Variants in NAALADL2 observed in about 807,000 individuals in gnomAD.
NAALADL2 encodes the protein inactive N-acetylated-alpha-linked acidic dipeptidase-like protein 2.
Under a neutral mutation model 87.2 loss-of-function variants are expected in NAALADL2, and 76 were observed. That is an observed-to-expected ratio of 0.87 (90% CI 0.72 to 1.05). The LOEUF is 1.05. NAALADL2 is among the 50% of genes least tolerant of loss of function. The probability of loss-of-function intolerance (pLI) is 0.00; values close to 1 mark genes in which losing one functional copy is unlikely to be tolerated. For synonymous variants in NAALADL2, 354 were observed against 331.0 expected, an observed-to-expected ratio of 1.07 and a Z score of -0.75; for missense variants, 1,089 against 945.8, an observed-to-expected ratio of 1.15 and a Z score of -1.99.
chr3:174,985,794 C>T (rs9820949), intron 1 of NAALADL2, among the ~76,000 whole-genome samples: 1 of 151,590 alleles, frequency 6.6e-6, no homozygotes, highest in Non-Finnish European at 1.5e-5. Context: ...CTATACTAAA[C>T]ATACAAAATT....
chr3:175,638,201 GT>G (rs2149749431), intron 11 of NAALADL2, among the ~76,000 whole-genome samples: 1 of 152,264 alleles, frequency 6.6e-6, no homozygotes, highest in African/African-American at 2.4e-5. Flanking sequence ...ATGACAATCA[GT>G]TTATATGCCG....
At chr3:174,940,114 C>A (rs1392861647) in intron 1 of NAALADL2, among the ~76,000 whole-genome samples, 1 of 152,064 alleles carries the variant, frequency 6.6e-6, no homozygotes, top group Non-Finnish European at 1.5e-5. Context: ...ATACTTCCAG[C>A]TTTTGCCCAT....
chr3:175,490,095 A>C (rs1031685911), intron 9 of NAALADL2, among the ~76,000 whole-genome samples: 2 of 152,156 alleles, frequency 1.3e-5, no homozygotes, highest in African/African-American at 4.8e-5. Flanking sequence ...GGATGGACAC[A>C]TTACAAAAAC....
At chr3:175,070,502 T>C (rs1260596663) in intron 1 of NAALADL2, among the ~76,000 whole-genome samples, 2 of 152,020 alleles carry the variant, frequency 1.3e-5, no homozygotes, top group African/African-American at 4.8e-5. Flanking sequence ...CTTCAGCTCA[T>C]TGATGAAGTA....
intron 2 of NAALADL2, among the ~76,000 whole-genome samples, chr3:175,153,343 C>G (rs967896925): frequency 3.9e-5 from 6 of 152,102 alleles, no homozygotes; most frequent in Non-Finnish European, 8.8e-5. Flanking sequence ...AAATGATGTT[C>G]TGTGATGCAG....
At chr3:175,679,374 C>G (rs1396813338) in intron 11 of NAALADL2, among the ~76,000 whole-genome samples, 3 of 151,598 alleles carry the variant, frequency 2.0e-5, no homozygotes, top group African/African-American at 7.3e-5. Flanking sequence ...ACTCAACTGC[C>G]TTTAGAAAAA....
chr3:174,688,066 CT>C (rs1427444719), intron 2 of NAALADL2, among the ~76,000 whole-genome samples: 1 of 152,080 alleles, frequency 6.6e-6, no homozygotes, highest in African/African-American at 2.4e-5. Context: ...AATTTTATAT[CT>C]TATGTAATTT....
intron 1 of NAALADL2, among the ~76,000 whole-genome samples, chr3:174,461,465 T>TG (rs1553769269): frequency 1.3e-5 from 2 of 151,734 alleles, no homozygotes; most frequent in African/African-American, 4.8e-5. Flanking sequence ...TGCACCTTTA[T>TG]CCCCCTTGAA....
chr3:174,656,883 T>A (rs1469084476), intron 2 of NAALADL2, among the ~76,000 whole-genome samples: 1 of 151,948 alleles, frequency 6.6e-6, no homozygotes, highest in Non-Finnish European at 1.5e-5. Context: ...ACTTTCTACC[T>A]CACCCCACTT....
rs574200608 is a variant in NAALADL2, at chr3:175,602,139, AGTC to A, written c.1801-25151_1801-25149del. On this transcript the variant is annotated intron_variant, in intron 10 of 13. Coordinates refer to ENST00000454872, the MANE Select transcript of NAALADL2 (RefSeq NM_207015.3). Reference sequence around the variant, plus strand: ...TCTCTTCAAAAAGTGTGAATTTGAAAGTCTTCTTATCTACGTATTGTAACTATT... The same window carrying A: ...TCTCTTCAAAAAGTGTGAATTTGAAATTCTTATCTACGTATTGTAACTATT... Among the ~76,000 whole-genome samples, 121 of 152,258 alleles carry A rather than the reference AGTC, an allele frequency of 7.9e-4. No individual in the cohort carries two copies. In the East Asian group the frequency reaches 8.5e-3, roughly 11 times the overall value.
intron 1 of NAALADL2, among the ~76,000 whole-genome samples, chr3:175,046,023 T>G (rs201541069): frequency 1.3e-5 from 2 of 148,916 alleles, no homozygotes; most frequent in Non-Finnish European, 3.0e-5. Context: ...TTTTTTTTTT[T>G]AATTTTGGAA....
At chr3:175,185,221 G>A (rs1359887317) in intron 2 of NAALADL2, among the ~76,000 whole-genome samples, 1 of 151,980 alleles carries the variant, frequency 6.6e-6, no homozygotes, top group African/African-American at 2.4e-5. Flanking sequence ...TGATAAATTG[G>A]GATGACTACT....
chr3:175,377,293 CAGAGTGACACTCTGTTTCA>C (rs1767248567), intron 5 of NAALADL2, among the ~76,000 whole-genome samples: 2 of 152,144 alleles, frequency 1.3e-5, no homozygotes, highest in Non-Finnish European at 2.9e-5. Context: ...GCCTGGGTGA[CAGAGTGACACTCTGTTTCA>C]AAAACAAAAA....
chr3:175,758,931 C>A (rs1273394886), intron 13 of NAALADL2, among the ~76,000 whole-genome samples: 1 of 151,806 alleles, frequency 6.6e-6, no homozygotes, highest in Non-Finnish European at 1.5e-5. Context: ...AAGTTCTTGA[C>A]AGAACTTTAC....
intron 10 of NAALADL2, among the ~76,000 whole-genome samples, chr3:175,606,006 A>G (rs1482481575): frequency 6.6e-6 from 1 of 152,210 alleles, no homozygotes; most frequent in African/African-American, 2.4e-5. Context: ...ACATTCTTCA[A>G]GCCTGCTTAG....
chr3:174,607,428 C>T (rs549382333), intron 2 of NAALADL2, among the ~76,000 whole-genome samples: 47 of 150,734 alleles, frequency 3.1e-4, no homozygotes, highest in African/African-American at 1.0e-3. Context: ...ACCCATCTCA[C>T]GTGCAGAGAC....
At chr3:175,431,114 G>T (rs755874248) in intron 5 of NAALADL2, among the ~76,000 whole-genome samples, 1 of 152,052 alleles carries the variant, frequency 6.6e-6, no homozygotes, top group Non-Finnish European at 1.5e-5. Flanking sequence ...GCTTTCATAT[G>T]ATTAATATTT....
chr3:175,672,015 C>G (rs1234851626), intron 11 of NAALADL2, among the ~76,000 whole-genome samples: 2 of 152,070 alleles, frequency 1.3e-5, no homozygotes, highest in Non-Finnish European at 2.9e-5. Context: ...TCCATGACTT[C>G]TTTTTATTAA....
intron 2 of NAALADL2, among the ~76,000 whole-genome samples, chr3:174,682,971 A>G (rs1310225590): frequency 6.6e-6 from 1 of 152,218 alleles, no homozygotes; most frequent in Non-Finnish European, 1.5e-5. Context: ...TTTCAGACAG[A>G]TAATTCAAAA....
Sources: allele counts gnomAD v4.1 joint callset (sites outside exome capture counted in the v4.1 genomes callset), GRCh38; gene constraint gnomAD v4.1.1; transcripts MANE v1.5; gene names NCBI Gene and HGNC (gene_info 2026-07-23, HGNC 2026-07-21).